SMARCD3: variants seen among roughly 807,000 people sequenced by gnomAD.
SMARCD3 encodes the protein SWI/SNF related BAF chromatin remodeling complex subunit D3, also known as SWI/SNF-related matrix-associated actin-dependent regulator of chromatin subfamily D member 3.
In SMARCD3, 14 loss-of-function variants were observed where a neutral mutation model predicts 58.0. That is an observed-to-expected ratio of 0.24 (90% CI 0.16 to 0.38). SMARCD3 has a LOEUF of 0.38. Ranked by LOEUF, SMARCD3 falls within the 10% of genes least tolerant of loss-of-function variation. The pLI is 1.00. For synonymous variants in SMARCD3, 253 were observed against 253.8 expected (o/e 1.00, Z 0.03); for missense variants, 408 against 636.9 (o/e 0.64, Z 3.87).
At position 151,246,446 on chromosome 7, in the gene SMARCD3, C is replaced by A. The variant is rs1371221907; in HGVS notation, c.79-775G>T. On this transcript the variant is annotated intron_variant, in intron 1 of 12. Coordinates refer to ENST00000262188, the MANE Select transcript of SMARCD3 (RefSeq NM_001003801.2). The surrounding 1 kb of genome is among the most constrained non-coding windows in gnomAD (Gnocchi z 4.4). ...AGGCAGGGCAGGCAAGGGCAGCCTG[C>A]TGGGGCGCCCCAGACACAGCCAGGA... 2.0e-5 allele frequency among the ~76,000 whole-genome samples: 3 copies of A among 152,168 alleles called. No individual in the cohort carries two copies. The highest frequency in any genetic ancestry group is 4.4e-5 in the Non-Finnish European group (3 of 68,022).
chr7:151,262,945 C>G (rs1441511757), intron 2 of SMARCD3, among the ~76,000 whole-genome samples: 1 of 152,180 alleles, frequency 6.6e-6, no homozygotes, highest in African/African-American at 2.4e-5. Context: ...CCTGCAGAGC[C>G]CAGCAGGCTA....
intron 1 of SMARCD3, chr7:151,276,561 G>A (rs1017993146): frequency 1.4e-5 from 2 of 141,332 alleles, no homozygotes; most frequent in Non-Finnish European, 3.0e-5. Context: ...GGAGGAGGTG[G>A]TGTCACAGAG....
intron 1 of SMARCD3, among the ~76,000 whole-genome samples, chr7:151,275,863 G>C (rs1795323143): frequency 6.6e-6 from 1 of 152,170 alleles, no homozygotes; most frequent in African/African-American, 2.4e-5. Flanking sequence ...GCAGACGGTG[G>C]GGCATGGGAG....
chr7:151,256,862 T>C (rs1803716890), intron 2 of SMARCD3, among the ~76,000 whole-genome samples: 1 of 150,746 alleles, frequency 6.6e-6, no homozygotes, highest in Non-Finnish European at 1.5e-5. Context: ...AGATGAGCTA[T>C]CTGTGTTCCC....
In SMARCD3 at chr7:151,239,583, C is replaced by A. The variant is rs1159964085; in HGVS notation, c.1296+41G>T. ...AACGTTTACTCTCTTTCCCGCTGTG[C>A]TTGTCTTCCACTCCAGTACTCCCTG... On this transcript the variant is annotated intron_variant, in intron 11 of 12. Transcript: ENST00000262188. This position sits in a 1 kb window ranked among gnomAD's most constrained non-coding sequence, Gnocchi z 7.0. 6.2e-7 allele frequency: 1 copy of A among 1,613,550 alleles called. No homozygotes were observed. Among genetic ancestry groups the A allele is most frequent in the Non-Finnish European group, 8.5e-7 (1 of 1,179,694 alleles).
At chr7:151,254,047 G>C (rs894193621) in intron 2 of SMARCD3, among the ~76,000 whole-genome samples, 20 of 152,160 alleles carry the variant, frequency 1.3e-4, no homozygotes, top group African/African-American at 4.8e-4. Context: ...CATGGCCTCG[G>C]GACTCATAGG....
chr7:151,250,792 C>T (rs1193724806), upstream of SMARCD3, among the ~76,000 whole-genome samples: 4 of 152,270 alleles, frequency 2.6e-5, no homozygotes, highest in East Asian at 7.7e-4. Flanking sequence ...TTAACTCCCA[C>T]TCTTCCTCCA....
In SMARCD3 at chr7:151,242,671, T is replaced by A. The variant is rs1584867651; in HGVS notation, c.456+50A>T. 6.2e-7 allele frequency: 1 copy of A among 1,612,866 alleles called. No homozygotes were observed. The highest frequency in any genetic ancestry group is 8.5e-7 in the Non-Finnish European group (1 of 1,179,084). ...CCACCCCGACCACCCTGCTTCCCCA[T>A]CCTGGTCACACAACTCTAGAGTCCC... is the stretch of plus-strand genomic sequence containing the variant. On this transcript the variant is annotated intron_variant, in intron 4 of 12. Transcript: ENST00000262188. The surrounding 1 kb of genome is among the most constrained non-coding windows in gnomAD (Gnocchi z 4.7).
Position 151,241,863 on chromosome 7 carries a change from T to C in SMARCD3, c.777+14A>G, listed in dbSNP as rs1803005719. Reference sequence around the variant, plus strand: ...CTTGTGTGGCGTGTACGGGGCAGCATGGCAGGTGCAGACCTGGTAGTCCAG... The same window carrying C: ...CTTGTGTGGCGTGTACGGGGCAGCACGGCAGGTGCAGACCTGGTAGTCCAG... On this transcript the variant is annotated intron_variant, in intron 7 of 12. Coordinates refer to ENST00000262188, the MANE Select transcript of SMARCD3 (RefSeq NM_001003801.2). This position sits in a 1 kb window ranked among gnomAD's most constrained non-coding sequence, Gnocchi z 5.3. 5.6e-6 allele frequency: 9 copies of C among 1,599,548 alleles called. No homozygotes were observed. The highest frequency in any genetic ancestry group is 7.7e-6 in the Non-Finnish European group (9 of 1,170,854).
intron 2 of SMARCD3, among the ~76,000 whole-genome samples, chr7:151,268,240 G>C (rs769953293): frequency 6.6e-6 from 1 of 152,190 alleles, no homozygotes; most frequent in Non-Finnish European, 1.5e-5. Context: ...TCACATCAAA[G>C]CCAGATTTCC....
intron 8 of SMARCD3, chr7:151,240,737 A>G (rs1461250465): frequency 1.1e-5 from 6 of 568,434 alleles, no homozygotes; most frequent in African/African-American, 5.7e-5. Context: ...GCAGGGGTTG[A>G]GAGTGCGGGC....
At chr7:151,259,106 C>T (rs1803811239) in intron 2 of SMARCD3, among the ~76,000 whole-genome samples, 1 of 152,122 alleles carries the variant, frequency 6.6e-6, no homozygotes, top group Non-Finnish European at 1.5e-5. Context: ...AATCCCAACA[C>T]TTTGGGAAGC....
intron 2 of SMARCD3, among the ~76,000 whole-genome samples, chr7:151,262,315 C>T (rs1463492715): frequency 6.6e-6 from 1 of 152,158 alleles, no homozygotes; most frequent in African/African-American, 2.4e-5. Flanking sequence ...CTCCTGGGCT[C>T]AAGGAATCCT....
intron 2 of SMARCD3, among the ~76,000 whole-genome samples, chr7:151,272,170 G>A (rs939645074): frequency 2.6e-5 from 4 of 152,078 alleles, no homozygotes; most frequent in Non-Finnish European, 4.4e-5. Context: ...CCTCATACAG[G>A]AGAGACCTCC....
intron 8 of SMARCD3, chr7:151,240,842 T>G: frequency 2.9e-6 from 1 of 346,034 alleles, no homozygotes; most frequent in Non-Finnish European, 5.3e-6. Context: ...TCTTCATCTC[T>G]AGAGTGGGGA....
rs761245422 is a variant in SMARCD3, at chr7:151,243,668, G to A, written c.324C>T (p.Leu108=). Residue 108 remains leucine (L), a synonymous_variant, in exon 3 of 13, where the codon CTC becomes CTT. Coordinates refer to ENST00000262188, the MANE Select transcript of SMARCD3 (RefSeq NM_001003801.2). The surrounding 1 kb of genome is among the most constrained non-coding windows in gnomAD (Gnocchi z 4.4). Reference sequence around the variant, plus strand: ...TGTGAAAGGCACTCACCCTTTGAGGGAGGATTTTGTCAGCCATCTTCCTCC... The same window carrying A: ...TGTGAAAGGCACTCACCCTTTGAGGAAGGATTTTGTCAGCCATCTTCCTCC... ...AKRRKMADKI[L]PQRIRELVPE... is the part of the protein sequence containing the mutation. 1 of 1,609,330 alleles carries A rather than the reference G, an allele frequency of 6.2e-7. No homozygotes were observed. The highest frequency in any genetic ancestry group is 1.3e-5 in the African/African-American group (1 of 74,950).
upstream of SMARCD3, among the ~76,000 whole-genome samples, chr7:151,251,942 C>T (rs892535918): frequency 2.0e-5 from 3 of 148,472 alleles, no homozygotes; most frequent in Non-Finnish European, 4.5e-5. Context: ...CGCGCCGCCC[C>T]TCCCTCCGCC....
chr7:151,270,872 G>A (rs1050256275), intron 2 of SMARCD3, among the ~76,000 whole-genome samples: 2 of 152,168 alleles, frequency 1.3e-5, no homozygotes, highest in Admixed American at 6.5e-5. Flanking sequence ...GGGCAGTGAC[G>A]TGGGAAATCA....
In SMARCD3 at chr7:151,248,070, T is replaced by C. The variant is rs1584875903; in HGVS notation, c.78+415A>G. On this transcript the variant is annotated intron_variant, in intron 1 of 12. Coordinates refer to ENST00000262188, the MANE Select transcript of SMARCD3 (RefSeq NM_001003801.2). This position sits in a 1 kb window ranked among gnomAD's most constrained non-coding sequence, Gnocchi z 6.1. ...GCTCCGGAGACACAAGCAGTGACAC[T>C]GTCCCAACGGATGAACAGACAGCCC... 6.6e-6 allele frequency among the ~76,000 whole-genome samples: 1 copy of C among 152,148 alleles called. No individual in the cohort carries two copies. The highest frequency in any genetic ancestry group is 1.5e-5 in the Non-Finnish European group (1 of 68,022).
Sources: gnomAD v4.1 joint callset for allele counts (sites outside exome capture counted in the v4.1 genomes callset) on GRCh38, gnomAD v4.1.1 for gene constraint, Gnocchi (gnomAD v3.1) non-coding constraint, MANE v1.5 for transcripts, NCBI Gene and HGNC (gene_info 2026-07-23, HGNC 2026-07-21) for gene names.